The following NEK7 variants were observed in gnomAD, a reference collection of about 807,000 sequenced individuals.
NEK7 encodes NIMA related kinase 7, also known as serine/threonine-protein kinase Nek7.
In NEK7, 18 loss-of-function variants were observed where a neutral mutation model predicts 44.6. The observed-to-expected ratio is 0.40, with a 90% CI of 0.28 to 0.60. The LOEUF is 0.60. Among genes scored for constraint, NEK7 ranks in the 20% least tolerant of loss-of-function variants. The pLI is 0.38. For synonymous variants in NEK7, 130 were observed against 121.1 expected, an observed-to-expected ratio of 1.07 and a Z score of -0.48; for missense variants, 256 against 366.5, an observed-to-expected ratio of 0.70 and a Z score of 2.46.
intron 1 of NEK7, among the ~76,000 whole-genome samples, chr1:198,216,625 A>G (rs967543061): frequency 6.6e-6 from 1 of 151,792 alleles, no homozygotes; most frequent in Non-Finnish European, 1.5e-5. Flanking sequence ...AAGCAGAAGT[A>G]CAAAAGATCA....
chr1:198,317,161 T>G (rs563840087), intron 9 of NEK7, among the ~76,000 whole-genome samples: 9 of 152,246 alleles, frequency 5.9e-5, no homozygotes, highest in Non-Finnish European at 1.2e-4. Flanking sequence ...TCTGATTTTA[T>G]ATGGTGATAG....
intron 2 of NEK7, chr1:198,245,280 TC>T (rs1379153579): frequency 5.9e-6 from 1 of 169,262 alleles, no homozygotes; most frequent in Non-Finnish European, 1.5e-5. Context: ...TCTGCACAGT[TC>T]AAACTTGTGT....
At chr1:198,256,156 T>C (rs1050796619) in intron 3 of NEK7, among the ~76,000 whole-genome samples, 1 of 152,184 alleles carries the variant, frequency 6.6e-6, no homozygotes, top group African/African-American at 2.4e-5. Context: ...GTTGAGTTCA[T>C]AAAATATTGG....
chr1:198,260,856 G>A (rs893749936), intron 3 of NEK7, among the ~76,000 whole-genome samples: 4 of 152,016 alleles, frequency 2.6e-5, no homozygotes, highest in African/African-American at 9.7e-5. Flanking sequence ...ACATGCGTTT[G>A]TACAAGAAAT....
At chr1:198,317,630 G>A (rs1183334802) in intron 9 of NEK7, among the ~76,000 whole-genome samples, 1 of 152,114 alleles carries the variant, frequency 6.6e-6, no homozygotes, top group Non-Finnish European at 1.5e-5. Context: ...GAAGGATGTG[G>A]CAGTGTTAGG....
At chr1:198,284,904 C>T (rs12083911) in intron 7 of NEK7, among the ~76,000 whole-genome samples, 48 of 152,148 alleles carry the variant, frequency 3.2e-4, no homozygotes, top group African/African-American at 1.1e-3. Context: ...GCAATGAATA[C>T]GAGTACTGTA....
chr1:198,252,567 T>TATA (rs1307124157), intron 2 of NEK7, among the ~76,000 whole-genome samples: 14 of 50,978 alleles, frequency 2.7e-4, no homozygotes, highest in South Asian at 1.2e-3. Flanking sequence ...TATATATATA[T>TATA]AAAAAGTACA....
intron 1 of NEK7, among the ~76,000 whole-genome samples, chr1:198,165,562 C>T (rs750788199): frequency 4.2e-4 from 64 of 152,126 alleles, no homozygotes; most frequent in Admixed American, 1.3e-4. Context: ...TCTGAGCAGT[C>T]GGTCTCAACA....
At chr1:198,275,855 A>G (rs1571596750) in intron 5 of NEK7, among the ~76,000 whole-genome samples, 1 of 151,494 alleles carries the variant, frequency 6.6e-6, no homozygotes, top group African/African-American at 2.4e-5. Context: ...AAAAAAACAA[A>G]CCCCCAAAAC....
At chr1:198,185,652 A>G (rs1664900653) in intron 1 of NEK7, among the ~76,000 whole-genome samples, 1 of 152,188 alleles carries the variant, frequency 6.6e-6, no homozygotes, top group African/African-American at 2.4e-5. Context: ...AATGAGTGTG[A>G]GGACCAAACA....
rs1186466301 is a variant in NEK7, at chr1:198,293,055, A to G, written c.684+16A>G. On this transcript the variant is annotated intron_variant, in intron 8 of 9. Coordinates refer to ENST00000367385, the MANE Select transcript of NEK7 (RefSeq NM_133494.3). ...ACTATATGAGGTAGGTAATGTTGAT[A>G]AATTCCAAATATTGATGCAGTTTTA... is the stretch of plus-strand genomic sequence containing the variant. The G allele has an allele frequency of 7.9e-7, 1 of 1,270,892 alleles. No individual in the cohort carries two copies. The highest frequency in any genetic ancestry group is 1.2e-6 in the Non-Finnish European group (1 of 869,274). The allele number at this position is 1,270,892 out of a possible 1,614,324, so 78.7% of individuals were successfully genotyped here.
intron 3 of NEK7, chr1:198,256,239 G>T (rs1653259060): frequency 7.2e-7 from 1 of 1,384,896 alleles, no homozygotes; most frequent in South Asian, 1.9e-5. Context: ...AGTTTTTAAG[G>T]CCCTTCCCTA....
chr1:198,157,041 C>G lies in NEK7; in HGVS notation c.-264C>G, dbSNP rs1032182311. 6.6e-6 allele frequency: 1 copy of G among 151,980 alleles called. No homozygotes were observed. Among genetic ancestry groups the G allele is most frequent in the Non-Finnish European group, 1.5e-5 (1 of 67,994 alleles). The allele number at this position is 151,980 out of a possible 1,614,324, so 9.4% of individuals were successfully genotyped here. ...GCAGCAGGAGGAGGATCGGGAGTCG[C>G]GGGAGGATGGGCCGCCGCTAGGCTC... is the stretch of plus-strand genomic sequence containing the variant. On this transcript the variant is annotated 5_prime_UTR_variant, in exon 1 of 10. Transcript: ENST00000367385.
intron 1 of NEK7, among the ~76,000 whole-genome samples, chr1:198,216,378 A>T (rs1004668623): frequency 6.6e-6 from 1 of 152,090 alleles, no homozygotes; most frequent in Non-Finnish European, 1.5e-5. Context: ...AAATTTTTCA[A>T]AATGAATGAT....
rs780630577 is a variant in NEK7, at chr1:198,232,655, A to G, written c.57+18A>G. On this transcript the variant is annotated intron_variant, in intron 2 of 9. Coordinates refer to ENST00000367385, the MANE Select transcript of NEK7 (RefSeq NM_133494.3). ...AACCACAGGTAATTTATCCTAATTA[A>G]GATGGGCAGAACTATATATAATCTG... 9.6e-6 allele frequency: 14 copies of G among 1,465,426 alleles called. No homozygotes were observed. The highest frequency in any genetic ancestry group is 1.3e-5 in the Non-Finnish European group (14 of 1,045,350). The allele number at this position is 1,465,426 out of a possible 1,614,324, so 90.8% of individuals were successfully genotyped here.
intron 1 of NEK7, among the ~76,000 whole-genome samples, chr1:198,213,650 C>T (rs1665840105): frequency 2.6e-5 from 4 of 152,242 alleles, no homozygotes; most frequent in African/African-American, 9.6e-5. Flanking sequence ...TCTCAATAGC[C>T]AGAATACTGG....
At chr1:198,159,782 G>T (rs1211171056) in intron 1 of NEK7, among the ~76,000 whole-genome samples, 1 of 152,088 alleles carries the variant, frequency 6.6e-6, no homozygotes, top group East Asian at 1.9e-4. Context: ...AGCACATATG[G>T]TATGATGGCA....
chr1:198,304,071 A>G (rs1472443594), intron 9 of NEK7, among the ~76,000 whole-genome samples: 1 of 152,150 alleles, frequency 6.6e-6, no homozygotes, highest in Non-Finnish European at 1.5e-5. Flanking sequence ...TTTTGTTTAA[A>G]AAATATAGTT....
intron 9 of NEK7, among the ~76,000 whole-genome samples, chr1:198,305,288 G>A (rs532439431): frequency 6.6e-6 from 1 of 152,184 alleles, no homozygotes; most frequent in South Asian, 2.1e-4. Context: ...TAGATATGAA[G>A]TTCTTAATGT....
Sources: allele counts gnomAD v4.1 joint callset (sites outside exome capture counted in the v4.1 genomes callset), GRCh38; gene constraint gnomAD v4.1.1; transcripts MANE v1.5; gene names NCBI Gene and HGNC (gene_info 2026-07-23, HGNC 2026-07-21).